The following CAMK2D variants were observed in gnomAD, a reference collection of about 807,000 sequenced individuals.
CAMK2D encodes the protein calcium/calmodulin-dependent protein kinase type II subunit delta.
Under a neutral mutation model 84.0 loss-of-function variants are expected in CAMK2D, and 37 were observed. The observed-to-expected ratio is 0.44, with a 90% CI of 0.34 to 0.58. The LOEUF is 0.58. CAMK2D is among the 20% of genes least tolerant of loss of function. The pLI, the probability that CAMK2D is intolerant of heterozygous loss-of-function variation, is 0.02. For synonymous variants in CAMK2D, 202 were observed against 212.5 expected, an observed-to-expected ratio of 0.95 and a Z score of 0.43; for missense variants, 448 against 652.5, an observed-to-expected ratio of 0.69 and a Z score of 3.41.
chr4:113,584,563 G>T (rs1488840401), intron 4 of CAMK2D, among the ~76,000 whole-genome samples: 3 of 152,152 alleles, frequency 2.0e-5, no homozygotes, highest in Admixed American at 6.5e-5. Context: ...AGGCTTCCTG[G>T]TTTCAGGTGG....
intron 2 of CAMK2D, among the ~76,000 whole-genome samples, chr4:113,666,553 GCCCCT>G (rs2099258011): frequency 1.3e-5 from 2 of 151,932 alleles, no homozygotes; most frequent in African/African-American, 4.8e-5. Context: ...GTCAGTTACT[GCCCCT>G]CCCAACAAAT....
intron 2 of CAMK2D, among the ~76,000 whole-genome samples, chr4:113,697,315 T>G (rs2099405800): frequency 6.6e-6 from 1 of 152,056 alleles, no homozygotes; most frequent in Admixed American, 6.6e-5. Context: ...CTTAAGGACA[T>G]AGATAGTTAC....
Position 113,502,981 on chromosome 4 carries a change from A to C in CAMK2D, c.1045-4T>G. On this transcript the variant is annotated splice_polypyrimidine_tract_variant and splice_region_variant and intron_variant, in intron 14 of 20. Transcript: ENST00000511664. The stretch of plus-strand genomic sequence containing the variant: ...GGATTACAGTAGTTTGGGGCTCCTG[A>C]GTGAGAACAAAATAGAGAAAGAAAC... 2 of 1,599,596 alleles carry C rather than the reference A, an allele frequency of 1.3e-6. No homozygotes were observed. The highest frequency in any genetic ancestry group is 8.6e-7 in the Non-Finnish European group (1 of 1,166,818).
intron 2 of CAMK2D, among the ~76,000 whole-genome samples, chr4:113,669,185 G>A (rs2099269676): frequency 2.6e-5 from 4 of 152,130 alleles, no homozygotes; most frequent in African/African-American, 9.7e-5. Context: ...CAATTTAAGT[G>A]AAGATACAAC....
intron 4 of CAMK2D, among the ~76,000 whole-genome samples, chr4:113,608,904 C>T (rs28452972): frequency 0.03 from 4,542 of 152,138 alleles, 230 homozygotes; most frequent in African/African-American, 0.1. Context: ...GACATCACAA[C>T]GGACAATGCA....
chr4:113,573,886 GCTT>G (rs1424485816), intron 4 of CAMK2D, among the ~76,000 whole-genome samples: 1 of 151,944 alleles, frequency 6.6e-6, no homozygotes, highest in Non-Finnish European at 1.5e-5. Context: ...TTCTTCACTG[GCTT>G]CTTCTCATCT....
At chr4:113,573,990 G>T (rs1175771479) in intron 4 of CAMK2D, among the ~76,000 whole-genome samples, 1 of 152,120 alleles carries the variant, frequency 6.6e-6, no homozygotes, top group African/African-American at 2.4e-5. Context: ...ATCTTCAGTA[G>T]ATGTCTCATG....
chr4:113,701,651 T>C (rs2099417881), intron 2 of CAMK2D, among the ~76,000 whole-genome samples: 1 of 152,190 alleles, frequency 6.6e-6, no homozygotes, highest in Non-Finnish European at 1.5e-5. Context: ...GTTATGACCT[T>C]GGACAAGGGG....
At chr4:113,744,493 G>A (rs986562056) in intron 2 of CAMK2D, among the ~76,000 whole-genome samples, 2 of 151,850 alleles carry the variant, frequency 1.3e-5, no homozygotes, top group Non-Finnish European at 2.9e-5. Context: ...ATACCTTTCT[G>A]CCATATCCTT....
chr4:113,598,910 G>T (rs1160015532), intron 4 of CAMK2D, among the ~76,000 whole-genome samples: 1 of 152,024 alleles, frequency 6.6e-6, no homozygotes, highest in African/African-American at 2.4e-5. Flanking sequence ...CAAGTGATCT[G>T]CCTGCCTCAG....
chr4:113,524,969 T>C (rs1248904689), intron 8 of CAMK2D, among the ~76,000 whole-genome samples: 1 of 152,188 alleles, frequency 6.6e-6, no homozygotes, highest in Non-Finnish European at 1.5e-5. Flanking sequence ...CTATCTGTGA[T>C]TGGCCAAGTG....
Position 113,481,433 on chromosome 4 carries a change from T to C in CAMK2D, c.1136-15829A>G, listed in dbSNP as rs953964448. ...CAGATAATAAATATAAAGAGAAAAGTAAAACAGGAGAATGGGGAGTGCTGG... is the reference window on the plus strand; with the variant it reads ...CAGATAATAAATATAAAGAGAAAAGCAAAACAGGAGAATGGGGAGTGCTGG... On this transcript the variant is annotated intron_variant, in intron 16 of 20. Coordinates refer to ENST00000511664, the MANE Select transcript of CAMK2D (RefSeq NM_001321571.2). 1.8e-4 allele frequency among the ~76,000 whole-genome samples: 27 copies of C among 152,098 alleles called. 1 individual carries two copies. The highest frequency in any genetic ancestry group is 1.4e-3 in the Admixed American group (22 of 15,256).
At chr4:113,750,488 C>T (rs372851851) in intron 2 of CAMK2D, among the ~76,000 whole-genome samples, 11 of 152,138 alleles carry the variant, frequency 7.2e-5, no homozygotes, top group African/African-American at 1.2e-4. Flanking sequence ...CCTGTGCACG[C>T]GTCTATCACA....
rs930598337 is a variant in CAMK2D, at chr4:113,643,374, G to A, written c.220+18339C>T. Among the ~76,000 whole-genome samples the A allele has an allele frequency of 1.5e-4, 23 of 152,228 alleles. 1 individual carries two copies. The highest frequency in any genetic ancestry group is 2.6e-4 in the Non-Finnish European group (18 of 68,024). ...AGGCAAGTATGATAGGTTCAGATCA[G>A]AAACAGGGCTGTCTATGAAGTCATA... is the stretch of plus-strand genomic sequence containing the variant. On this transcript the variant is annotated intron_variant, in intron 3 of 20. Transcript: ENST00000511664.
At chr4:113,607,711 G>C (rs2098983945) in intron 4 of CAMK2D, among the ~76,000 whole-genome samples, 1 of 151,914 alleles carries the variant, frequency 6.6e-6, no homozygotes, top group Non-Finnish European at 1.5e-5. Flanking sequence ...TCCCTTTGCT[G>C]ACTCCTTTTT....
Position 113,604,743 on chromosome 4 carries a change from GCTTT to G in CAMK2D, c.275+4405_275+4408del, listed in dbSNP as rs1172638004. Among the ~76,000 whole-genome samples the G allele has an allele frequency of 9.2e-5, 14 of 152,238 alleles. No individual in the cohort carries two copies. The East Asian group carries it at 1.2e-3, about 13-fold the overall frequency. The stretch of plus-strand genomic sequence containing the variant: ...ATCTTATTCTGTTTCCATGTGAACT[GCTTT>G]CTTTATGTTCTTCACCAAATATTAT... On this transcript the variant is annotated intron_variant, in intron 4 of 20. Coordinates refer to ENST00000511664, the MANE Select transcript of CAMK2D (RefSeq NM_001321571.2).
chr4:113,601,625 T>C (rs1591766959), intron 4 of CAMK2D, among the ~76,000 whole-genome samples: 2 of 149,388 alleles, frequency 1.3e-5, no homozygotes, highest in South Asian at 4.2e-4. Context: ...AGTATAGTTA[T>C]AGCATCAGGG....
At chr4:113,592,066 T>C (rs1385537365) in intron 4 of CAMK2D, among the ~76,000 whole-genome samples, 1 of 152,192 alleles carries the variant, frequency 6.6e-6, no homozygotes, top group Non-Finnish European at 1.5e-5. Context: ...GAATGTATTA[T>C]AATAGCAAAT....
chr4:113,628,831 A>G (rs2099077845), intron 3 of CAMK2D, among the ~76,000 whole-genome samples: 1 of 152,068 alleles, frequency 6.6e-6, no homozygotes, highest in Non-Finnish European at 1.5e-5. Flanking sequence ...TATCTCCTAA[A>G]CAAAAATGCT....
Sources: gnomAD v4.1 joint callset for allele counts (sites outside exome capture counted in the v4.1 genomes callset) on GRCh38, gnomAD v4.1.1 for gene constraint, MANE v1.5 for transcripts, NCBI Gene and HGNC (gene_info 2026-07-23, HGNC 2026-07-21) for gene names.